The following EPHA6 variants were observed in gnomAD, a reference collection of about 807,000 sequenced individuals.
EPHA6 encodes ephrin type-A receptor 6.
Under a neutral mutation model 112.0 loss-of-function variants are expected in EPHA6, and 50 were observed. That is an observed-to-expected ratio of 0.45 (90% confidence interval 0.36 to 0.56). The LOEUF (loss-of-function observed/expected upper bound fraction) is 0.56, where lower values mean the gene tolerates loss of function less well. EPHA6 is among the 20% of genes least tolerant of loss of function. The probability of loss-of-function intolerance (pLI) is 0.00; values close to 1 mark genes in which losing one functional copy is unlikely to be tolerated. For missense variants in EPHA6, 1,280 were observed against 1,417.4 expected (o/e 0.90, Z 1.56); for synonymous variants, 529 against 490.7 (o/e 1.08, Z -1.03).
At chr3:97,187,729 GAAA>G (rs2077189233) in intron 3 of EPHA6, among the ~76,000 whole-genome samples, 2 of 147,936 alleles carry the variant, frequency 1.4e-5, no homozygotes, top group African/African-American at 2.5e-5. Context: ...AAGAAAGAAA[GAAA>G]GAAAGAAAGA....
intron 3 of EPHA6, among the ~76,000 whole-genome samples, chr3:97,142,318 A>C (rs1317357244): frequency 1.3e-5 from 2 of 151,998 alleles, no homozygotes; most frequent in Non-Finnish European, 1.5e-5. Context: ...TTCAGGCTCA[A>C]AGAGTGTGTT....
At chr3:97,026,509 T>C (rs188023079) in intron 3 of EPHA6, among the ~76,000 whole-genome samples, 1 of 152,308 alleles carries the variant, frequency 6.6e-6, no homozygotes, top group African/African-American at 2.4e-5. Flanking sequence ...TTTTCGTCTT[T>C]TTTTGTGTGG....
At chr3:97,173,287 T>G (rs1326226829) in intron 3 of EPHA6, among the ~76,000 whole-genome samples, 1 of 151,964 alleles carries the variant, frequency 6.6e-6, no homozygotes, top group African/African-American at 2.4e-5. Context: ...AAATATTATT[T>G]TAAGACATTT....
At chr3:97,033,469 T>C (rs1049098205) in intron 3 of EPHA6, among the ~76,000 whole-genome samples, 2 of 151,904 alleles carry the variant, frequency 1.3e-5, no homozygotes, top group African/African-American at 4.8e-5. Flanking sequence ...TTTAAGAAAA[T>C]TCACATAGAG....
intron 8 of EPHA6, 25 bp from the exon 9 acceptor site, chr3:97,479,268 GT>G (rs374643571): frequency 0.012 from 13,115 of 1,139,796 alleles, 41 homozygotes; most frequent in African/African-American, 0.04. Context: ...CTTAAAACAA[GT>G]TTTTTTTTTT....
At chr3:97,118,972 T>C (rs933459890) in intron 3 of EPHA6, among the ~76,000 whole-genome samples, 1 of 152,034 alleles carries the variant, frequency 6.6e-6, no homozygotes, top group African/African-American at 2.4e-5. Flanking sequence ...TTTTTTGGCC[T>C]ATTTACTCAC....
intron 3 of EPHA6, among the ~76,000 whole-genome samples, chr3:97,100,730 A>T (rs2047379983): frequency 6.6e-6 from 1 of 152,006 alleles, no homozygotes; most frequent in African/African-American, 2.4e-5. Flanking sequence ...AGTTACTCTG[A>T]ACATTATCAA....
chr3:97,671,572 T>G (rs2030832360), intron 14 of EPHA6, among the ~76,000 whole-genome samples: 1 of 152,204 alleles, frequency 6.6e-6, no homozygotes, highest in South Asian at 2.1e-4. Flanking sequence ...TAGTCCTTGA[T>G]AGAAGTCAAA....
At chr3:97,106,430 TAGTG>T (rs767516706) in intron 3 of EPHA6, among the ~76,000 whole-genome samples, 8 of 152,020 alleles carry the variant, frequency 5.3e-5, no homozygotes, top group Non-Finnish European at 1.2e-4. Flanking sequence ...CCAAAAATAA[TAGTG>T]AGCAAATATT....
intron 2 of EPHA6, among the ~76,000 whole-genome samples, chr3:96,942,611 G>A (rs1222125839): frequency 6.6e-6 from 1 of 152,304 alleles, no homozygotes; most frequent in East Asian, 1.9e-4. Context: ...ACGGTGCGCT[G>A]CACCCACTGT....
chr3:97,145,956 A>G (rs2076034831), intron 3 of EPHA6, among the ~76,000 whole-genome samples: 2 of 151,546 alleles, frequency 1.3e-5, no homozygotes, highest in South Asian at 2.1e-4. Context: ...TATTCTTAAT[A>G]TTTTTAAATT....
chr3:97,335,347 C>A (rs921704229), intron 5 of EPHA6, among the ~76,000 whole-genome samples: 2 of 152,178 alleles, frequency 1.3e-5, no homozygotes, highest in Non-Finnish European at 2.9e-5. Flanking sequence ...TGAGATTGGA[C>A]TTCTTAGCCT....
intron 2 of EPHA6, among the ~76,000 whole-genome samples, chr3:96,887,796 C>A (rs2037718303): frequency 6.6e-6 from 1 of 152,004 alleles, no homozygotes; most frequent in African/African-American, 2.4e-5. Context: ...GGTGAGATTC[C>A]CAGGTCCCTG....
At chr3:97,666,376 T>G (rs572542386) in intron 14 of EPHA6, among the ~76,000 whole-genome samples, 1 of 152,298 alleles carries the variant, frequency 6.6e-6, no homozygotes, top group East Asian at 1.9e-4. Flanking sequence ...CAGAATTTAT[T>G]GTCTCAAAGT....
In EPHA6 at chr3:96,949,684, C is replaced by T. The variant is rs1242434659; in HGVS notation, c.451-37646C>T. Among the ~76,000 whole-genome samples the T allele has an allele frequency of 2.0e-5, 3 of 152,186 alleles. No individual in the cohort carries two copies. In the East Asian group the frequency reaches 5.8e-4, roughly 29 times the overall value. On this transcript the variant is annotated intron_variant, in intron 2 of 17. Coordinates refer to ENST00000389672, the MANE Select transcript of EPHA6 (RefSeq NM_001080448.3). ...TTTATTTTATTCCTTAAATACTTGA[C>T]TAAATGCAAATACATTTTAAAATCA...
intron 3 of EPHA6, among the ~76,000 whole-genome samples, chr3:97,169,962 CAG>C (rs1451713379): frequency 6.6e-6 from 1 of 151,944 alleles, no homozygotes. Context: ...TGGTGCTTGT[CAG>C]GGGGTTTGGG....
At chr3:97,499,668 A>G (rs934527009) in intron 10 of EPHA6, among the ~76,000 whole-genome samples, 15 of 152,200 alleles carry the variant, frequency 9.9e-5, no homozygotes, top group African/African-American at 3.4e-4. Context: ...TTGTAACACA[A>G]TGGCAAGTAT....
intron 3 of EPHA6, among the ~76,000 whole-genome samples, chr3:97,047,258 T>C (rs895728120): frequency 4.6e-5 from 7 of 151,934 alleles, no homozygotes; most frequent in Admixed American, 2.6e-4. Flanking sequence ...CCCAGCACTT[T>C]GGGAGGCCAA....
intron 2 of EPHA6, among the ~76,000 whole-genome samples, chr3:96,927,029 T>C (rs74726101): frequency 0.012 from 1,877 of 152,340 alleles, 40 homozygotes; most frequent in African/African-American, 0.041. Context: ...GACTTTATAC[T>C]GGACATCTGA....
Sources: gnomAD v4.1 joint callset for allele counts (sites outside exome capture counted in the v4.1 genomes callset) on GRCh38, gnomAD v4.1.1 for gene constraint, MANE v1.5 for transcripts, NCBI Gene and HGNC (gene_info 2026-07-23, HGNC 2026-07-21) for gene names.